The following HERC6 variants were observed in gnomAD, a reference collection of about 807,000 sequenced individuals.
The protein encoded by HERC6 is probable E3 ubiquitin-protein ligase HERC6.
In HERC6, 101 loss-of-function variants were observed where a neutral mutation model predicts 114.5. The observed-to-expected ratio is 0.88, with a 90% confidence interval of 0.75 to 1.04. HERC6 has a LOEUF of 1.04. HERC6 is among the 50% of genes least tolerant of loss of function. HERC6 has a pLI of 0.00. For missense variants in HERC6, 1,133 were observed against 1,230.9 expected (o/e 0.92, Z 1.19); for synonymous variants, 408 against 436.2 (o/e 0.94, Z 0.81).
chr4:88,402,721 T>C (rs996493277), intron 8 of HERC6, among the ~76,000 whole-genome samples: 2 of 152,082 alleles, frequency 1.3e-5, no homozygotes, highest in Non-Finnish European at 2.9e-5. Context: ...TGGGAGAAGA[T>C]TACAAAACAA....
chr4:88,439,838 C>A, intron 20 of HERC6, 36 bp from the exon 21 acceptor site: 1 of 1,284,492 alleles, frequency 7.8e-7, no homozygotes, highest in Non-Finnish European at 1.0e-6. Context: ...CTTTTCCTTC[C>A]TTTCTTTTTT....
chr4:88,407,670 C>T (rs1735879374), intron 10 of HERC6, among the ~76,000 whole-genome samples: 1 of 151,986 alleles, frequency 6.6e-6, no homozygotes, highest in Non-Finnish European at 1.5e-5. Context: ...TTTGGTCTCC[C>T]AAAGTGTTGG....
chr4:88,383,625 T>C (rs954540823), intron 2 of HERC6, among the ~76,000 whole-genome samples: 1 of 151,038 alleles, frequency 6.6e-6, no homozygotes, highest in African/African-American at 2.4e-5. Context: ...TAGCCGGGCA[T>C]GGTGTCAGGC....
At chr4:88,430,612 A>ATAAATAAATAAT (rs570313105) in intron 16 of HERC6, among the ~76,000 whole-genome samples, 26 of 152,002 alleles carry the variant, frequency 1.7e-4, no homozygotes, top group African/African-American at 5.8e-4. Flanking sequence ...AAATAAATAA[A>ATAAATAAATAAT]AAGAGGGACT....
At position 88,386,742 on chromosome 4, in the gene HERC6, T is replaced by G. The variant is rs571543856; in HGVS notation, c.436+1167T>G. On this transcript the variant is annotated intron_variant, in intron 3 of 22. Coordinates refer to ENST00000264346, the MANE Select transcript of HERC6 (RefSeq NM_017912.4). The stretch of plus-strand genomic sequence containing the variant: ...TTCATCTCAGTGCTGCTTCATTGTC[T>G]TCAGTGATAAAAGTTACTCTTCTCT... Among the ~76,000 whole-genome samples, 3 of 152,328 alleles carry G rather than the reference T, an allele frequency of 2.0e-5. No homozygotes were observed. In the South Asian group the frequency reaches 6.2e-4, roughly 32 times the overall value.
Position 88,431,224 on chromosome 4 carries a change from T to C in HERC6, c.2169T>C (p.Cys723=). The C allele has an allele frequency of 6.2e-7, 1 of 1,613,564 alleles. No homozygotes were observed. The highest frequency in any genetic ancestry group is 8.5e-7 in the Non-Finnish European group (1 of 1,179,622). ...GGGTTAGTTCAGAGTTCTTCCACTG[T>C]ATGTTTGAAGAGATGACCAAGCCAG... ...SGGVSSEFFH[C]MFEEMTKPEY... Residue 723 remains cysteine, a synonymous_variant, in exon 17 of 23, where the codon TGT becomes TGC. Coordinates refer to ENST00000264346, the MANE Select transcript of HERC6 (RefSeq NM_017912.4).
chr4:88,410,761 T>C lies in HERC6; in HGVS notation c.1368+2144T>C, dbSNP rs72663410. ...CTGAACAGCTAGGGATAAGAATTTA[T>C]AAACCAACTTAATGGAGGAAAGGGA... On this transcript the variant is annotated intron_variant, in intron 11 of 22. Transcript: ENST00000264346. Among the ~76,000 whole-genome samples the C allele has an allele frequency of 2.3e-3, 354 of 152,310 alleles. 2 individuals carry two copies. Among genetic ancestry groups the C allele is most frequent in the Admixed American group, 4.0e-3 (61 of 15,290 alleles).
chr4:88,383,824 G>A (rs1425937616), intron 2 of HERC6, among the ~76,000 whole-genome samples: 3 of 145,324 alleles, frequency 2.1e-5, no homozygotes, highest in Non-Finnish European at 4.5e-5. Flanking sequence ...CTAACCTGAA[G>A]GACTACAGTG....
At chr4:88,411,319 T>C (rs373164846) in intron 11 of HERC6, among the ~76,000 whole-genome samples, 1 of 152,124 alleles carries the variant, frequency 6.6e-6, no homozygotes, top group African/African-American at 2.4e-5. Context: ...CCTACTATTA[T>C]GGAGTCATGA....
intron 17 of HERC6, among the ~76,000 whole-genome samples, chr4:88,434,455 A>G (rs1013723646): frequency 1.3e-5 from 2 of 152,220 alleles, no homozygotes; most frequent in Non-Finnish European, 2.9e-5. Context: ...ATTGCATTTG[A>G]AAGTATAATG....
At chr4:88,412,085 G>A (rs1311026071) in intron 11 of HERC6, among the ~76,000 whole-genome samples, 2 of 152,048 alleles carry the variant, frequency 1.3e-5, no homozygotes, top group South Asian at 2.1e-4. Flanking sequence ...CTTTCTAATC[G>A]AGTAACGCTG....
At chr4:88,435,004 T>C (rs1023770278) in intron 17 of HERC6, among the ~76,000 whole-genome samples, 1 of 152,212 alleles carries the variant, frequency 6.6e-6, no homozygotes, top group Non-Finnish European at 1.5e-5. Context: ...GACTGTACCA[T>C]AGAATATTAC....
intron 2 of HERC6, 76 bp downstream of exon 2, chr4:88,383,456 G>T: frequency 8.3e-7 from 1 of 1,206,982 alleles, no homozygotes; most frequent in South Asian, 2.0e-5. Flanking sequence ...AAGATGCCAG[G>T]ATACAAAGAC....
intron 13 of HERC6, among the ~76,000 whole-genome samples, chr4:88,418,242 G>A (rs1365600988): frequency 2.6e-5 from 4 of 152,116 alleles, no homozygotes; most frequent in Non-Finnish European, 4.4e-5. Context: ...AAGTGAGTAT[G>A]TGTGTAAAAA....
At chr4:88,422,630 T>G (rs1252808996) in intron 13 of HERC6, among the ~76,000 whole-genome samples, 1 of 152,170 alleles carries the variant, frequency 6.6e-6, no homozygotes, top group Non-Finnish European at 1.5e-5. Flanking sequence ...AAGATTCCAT[T>G]TGCTGATATT....
chr4:88,414,416 A>G lies in HERC6; in HGVS notation c.1558+1150A>G, dbSNP rs188387299. 4.7e-4 allele frequency among the ~76,000 whole-genome samples: 71 copies of G among 152,150 alleles called. No homozygotes were observed. In the East Asian group the frequency reaches 0.011, roughly 24 times the overall value. ...CTTGAGCCCAGGAGTTTAAGTCTGT[A>G]TTACTGGAAAGGGGTCCCAATCCAG... On this transcript the variant is annotated intron_variant, in intron 12 of 22. Coordinates refer to ENST00000264346, the MANE Select transcript of HERC6 (RefSeq NM_017912.4).
rs4413373 is a variant in HERC6 at position 88,442,452 on chromosome 4, C to T, written c.3061C>T (p.Gln1021Ter). 1.5e-3 allele frequency: 2,400 copies of T among 1,612,414 alleles called. 30 individuals are homozygous for T. In the African/African-American group the frequency reaches 0.027, roughly 18 times the overall value. ...AGGATTTGTCTCACCCATGCTCACA[C>T]AGTCATAATCACCTCTGAGAGACTC... ...NRGFVSPMLT[Q>*]S is the part of the protein sequence containing the mutation. Residue 1021 changes from glutamine (Q) to a stop codon, truncating the protein, a stop_gained, in exon 23 of 23, where the codon CAG becomes TAG. Transcript: ENST00000264346. LOFTEE classifies it low-confidence loss of function (ANC_ALLELE).
intron 10 of HERC6, among the ~76,000 whole-genome samples, chr4:88,406,612 G>T (rs943580908): frequency 6.6e-6 from 1 of 152,178 alleles, no homozygotes; most frequent in Non-Finnish European, 1.5e-5. Flanking sequence ...GAACTCCTAA[G>T]ATGTCAAAGA....
chr4:88,420,350 A>T (rs563480049), intron 13 of HERC6, among the ~76,000 whole-genome samples: 42 of 152,310 alleles, frequency 2.8e-4, no homozygotes, highest in African/African-American at 9.6e-4. Flanking sequence ...TTAACTTTAG[A>T]ATTACCTTTT....
Sources: allele counts gnomAD v4.1 joint callset (sites outside exome capture counted in the v4.1 genomes callset), GRCh38; gene constraint gnomAD v4.1.1; transcripts MANE v1.5; gene names NCBI Gene and HGNC (gene_info 2026-07-23, HGNC 2026-07-21).